Variants in ANKRD12 observed in about 807,000 individuals in gnomAD.
The protein encoded by ANKRD12 is ankyrin repeat domain 12.
In ANKRD12, 85 loss-of-function variants were observed where a neutral mutation model predicts 183.4. The observed-to-expected ratio is 0.46, with a 90% CI of 0.39 to 0.56. The LOEUF (loss-of-function observed/expected upper bound fraction) is 0.56. ANKRD12 is among the 20% of genes least tolerant of loss of function. ANKRD12 has a pLI of 0.00. For missense variants in ANKRD12, 2,405 were observed against 2,357.1 expected (o/e 1.02, Z -0.42); for synonymous variants, 914 against 800.2 (o/e 1.14, Z -2.40).
intron 1 of ANKRD12, among the ~76,000 whole-genome samples, chr18:9,149,792 A>ATTTTTTTTTT (rs75749856): frequency 3.5e-5 from 1 of 28,200 alleles, no homozygotes; most frequent in Non-Finnish European, 8.6e-5. Flanking sequence ...TTATTTATTA[A>ATTTTTTTTTT]ATTTTATTTT....
intron 1 of ANKRD12, among the ~76,000 whole-genome samples, chr18:9,162,971 T>C (rs2031628341): frequency 6.6e-6 from 1 of 152,148 alleles, no homozygotes; most frequent in Non-Finnish European, 1.5e-5. Context: ...ATTGCAAAAA[T>C]TTTCTCCAAT....
At chr18:9,159,978 A>T (rs2031177327) in intron 1 of ANKRD12, among the ~76,000 whole-genome samples, 1 of 151,388 alleles carries the variant, frequency 6.6e-6, no homozygotes, top group African/African-American at 2.4e-5. Context: ...CTCATTTTAA[A>T]ATATTTGTTA....
chr18:9,161,385 TA>T (rs2031391957), intron 1 of ANKRD12, among the ~76,000 whole-genome samples: 1 of 151,736 alleles, frequency 6.6e-6, no homozygotes, highest in Non-Finnish European at 1.5e-5. Context: ...TTATTTTTAT[TA>T]TTTTTTTGAG....
At chr18:9,189,588 T>TG (rs1295115610) in intron 2 of ANKRD12, among the ~76,000 whole-genome samples, 1 of 152,210 alleles carries the variant, frequency 6.6e-6, no homozygotes, top group East Asian at 1.9e-4. Context: ...TAGGGACAAA[T>TG]GCAGCTGACA....
chr18:9,254,518 G>A lies in ANKRD12; in HGVS notation c.1251G>A (p.Lys417=). ...YPKSFKSKKQ[K]PSRVLYSSTE... The stretch of plus-strand genomic sequence containing the variant: ...AATCATTTAAAAGTAAAAAACAAAA[G>A]CCATCTAGGGTCTTATATTCAAGTA... The change falls in exon 9 of 13, where the codon AAG becomes AAA. Residue 417 remains lysine (K), a synonymous_variant. Coordinates refer to ENST00000262126, the MANE Select transcript of ANKRD12 (RefSeq NM_015208.5). The A allele has an allele frequency of 3.9e-6, 6 of 1,539,280 alleles. No individual in the cohort carries two copies. The highest frequency in any genetic ancestry group is 3.5e-6 in the Non-Finnish European group (4 of 1,148,550).
rs1211295546 is a variant in ANKRD12 at position 9,263,898 on chromosome 18, G to A, written c.5763+10G>A. ...ACACAGTATTGAAAGGGTAAGAAATGTTTAAATTTACACTTATGCTAAAAA... is the reference window on the plus strand; with the variant it reads ...ACACAGTATTGAAAGGGTAAGAAATATTTAAATTTACACTTATGCTAAAAA... On this transcript the variant is annotated intron_variant, in intron 10 of 12. Transcript: ENST00000262126. The A allele has an allele frequency of 2.1e-6, 3 of 1,422,814 alleles. No individual in the cohort carries two copies. Among genetic ancestry groups the A allele is most frequent in the Non-Finnish European group, 2.9e-6 (3 of 1,039,136 alleles). The allele number at this position is 1,422,814 out of a possible 1,614,324, so 88.1% of individuals were successfully genotyped here. A position where few individuals can be genotyped will look rare whatever the true frequency, so the allele number is the denominator to read the frequency against.
At chr18:9,151,889 G>C (rs1219847755) in intron 1 of ANKRD12, among the ~76,000 whole-genome samples, 3 of 152,012 alleles carry the variant, frequency 2.0e-5, no homozygotes, top group Admixed American at 1.3e-4. Context: ...CCTTTTTATT[G>C]AACTTTATCA....
chr18:9,265,978 A>G (rs1410582851), intron 10 of ANKRD12, among the ~76,000 whole-genome samples: 1 of 152,256 alleles, frequency 6.6e-6, no homozygotes, highest in Non-Finnish European at 1.5e-5. Context: ...ACGAATGCAC[A>G]AGCTTCAGTA....
At chr18:9,142,522 C>CT (rs34754604) in intron 1 of ANKRD12, among the ~76,000 whole-genome samples, 17,019 of 152,240 alleles carry the variant, frequency 0.11, 1,137 homozygotes, top group African/African-American at 0.17. Context: ...ACTTTCTATT[C>CT]TGTTTACCCG....
In ANKRD12 at chr18:9,257,909, A is replaced by G. The variant is rs747829222; in HGVS notation, c.4642A>G (p.Thr1548Ala). The G allele has an allele frequency of 1.9e-6, 3 of 1,613,848 alleles. No individual in the cohort carries two copies. Among genetic ancestry groups the G allele is most frequent in the East Asian group, 4.5e-5 (2 of 44,876 alleles). Residue 1548 changes from threonine (T) to alanine (A), a missense_variant, in exon 9 of 13, where the codon ACT (threonine) becomes GCT (alanine). Physicochemically the swap from Thr to Ala is moderately conservative, Grantham distance 58 (BLOSUM62 0). This residue lies in a region of ANKRD12 where 1,983 missense variants were observed against 1,725.9 expected (regional missense o/e 1.15). Transcript: ENST00000262126. ...TGAATCTACAAAAGATACAGAAAAT[A>G]CTTTTGTCCTAGGAGATGTTCAAAA... ...DNESTKDTENTFVLGDVQKTD... is the reference protein window; with the variant it reads ...DNESTKDTENAFVLGDVQKTD...
intron 8 of ANKRD12, among the ~76,000 whole-genome samples, chr18:9,223,115 A>G (rs1386575362): frequency 1.3e-5 from 2 of 152,242 alleles, no homozygotes; most frequent in Non-Finnish European, 2.9e-5. Flanking sequence ...GAGAGGTGAT[A>G]ATAAAAGTAT....
chr18:9,173,067 ATT>A (rs35322750), intron 1 of ANKRD12, among the ~76,000 whole-genome samples: 70 of 122,200 alleles, frequency 5.7e-4, no homozygotes, highest in African/African-American at 1.5e-3. Context: ...GAGGTTGCTG[ATT>A]TTTTTTTTTT....
chr18:9,276,550 CAA>C (rs1314930384), intron 11 of ANKRD12, among the ~76,000 whole-genome samples: 1 of 151,756 alleles, frequency 6.6e-6, no homozygotes, highest in Non-Finnish European at 1.5e-5. Flanking sequence ...CCCGTCTTTA[CAA>C]AAAATATAAA....
chr18:9,253,090 C>T (rs780097449), intron 8 of ANKRD12, among the ~76,000 whole-genome samples: 65 of 152,002 alleles, frequency 4.3e-4, no homozygotes, highest in Non-Finnish European at 6.0e-4. Flanking sequence ...ATTATGGATA[C>T]ATAATAGTTG....
intron 1 of ANKRD12, among the ~76,000 whole-genome samples, chr18:9,167,036 G>A (rs1051523624): frequency 1.3e-5 from 2 of 152,114 alleles, no homozygotes; most frequent in African/African-American, 4.8e-5. Context: ...TAAATATGCG[G>A]CATTATTTCT....
chr18:9,155,421 C>T (rs2030259379), intron 1 of ANKRD12, among the ~76,000 whole-genome samples: 1 of 152,168 alleles, frequency 6.6e-6, no homozygotes, highest in Non-Finnish European at 1.5e-5. Context: ...AGTAACACTT[C>T]CTTGAATGTC....
chr18:9,258,131 A>G lies in ANKRD12; in HGVS notation c.4864A>G (p.Ser1622Gly), dbSNP rs761209989. ...KSSSGHEVEN[S>G]TTDTQVISHE... The stretch of plus-strand genomic sequence containing the variant: ...TTCCAGTGGCCATGAAGTTGAGAAT[A>G]GCACAACTGATACTCAGGTCATTTC... Residue 1622 changes from serine (S) to glycine (G), a missense_variant, in exon 9 of 13, where the codon AGC (serine) becomes GGC (glycine). Transcript: ENST00000262126. 6.2e-7 allele frequency: 1 copy of G among 1,613,694 alleles called. No homozygotes were observed. The highest frequency in any genetic ancestry group is 8.5e-7 in the Non-Finnish European group (1 of 1,179,968).
chr18:9,221,473 A>G (rs1395486334), intron 7 of ANKRD12, among the ~76,000 whole-genome samples: 2 of 152,224 alleles, frequency 1.3e-5, no homozygotes, highest in African/African-American at 4.8e-5. Context: ...TCTAAGACAC[A>G]CATTTCAAGA....
chr18:9,144,118 A>G (rs978753966), intron 1 of ANKRD12, among the ~76,000 whole-genome samples: 19 of 152,274 alleles, frequency 1.2e-4, no homozygotes, highest in African/African-American at 4.1e-4. Flanking sequence ...TTGACACATC[A>G]TATCCTGTGG....
Sources: gnomAD v4.1 joint callset for allele counts (sites outside exome capture counted in the v4.1 genomes callset) on GRCh38, gnomAD v4.1.1 for gene constraint, gnomAD v4.1.1 regional missense constraint, MANE v1.5 for transcripts, NCBI Gene and HGNC (gene_info 2026-07-23, HGNC 2026-07-21) for gene names.